Variants in ALK observed in about 807,000 individuals in gnomAD.
ALK encodes the protein ALK tyrosine kinase receptor.
ALK carries 74 observed loss-of-function variants against 163.1 expected under a neutral mutation model. The observed-to-expected ratio is 0.45, with a 90% CI of 0.38 to 0.55. The LOEUF is 0.55. Ranked by LOEUF, ALK falls within the 20% of genes least tolerant of loss-of-function variation. The pLI is 0.00. For missense variants in ALK, 2,063 were observed against 2,105.3 expected (o/e 0.98, Z 0.39); for synonymous variants, 960 against 843.2 (o/e 1.14, Z -2.40).
At chr2:29,287,782 G>C (rs1478246906) in intron 9 of ALK, among the ~76,000 whole-genome samples, 1 of 151,402 alleles carries the variant, frequency 6.6e-6, no homozygotes, top group Non-Finnish European at 1.5e-5. Context: ...CCTTTTCTCT[G>C]GCCTTGGAAT....
rs561352958 is a variant in ALK, at chr2:29,819,795, C to T, written c.667+100198G>A. Reference sequence around the variant, plus strand: ...GCTAGACTCCCCATGGTCAGCAGGTCACTAAAAGGTGTTACTGGAAGTGAC... The same window carrying T: ...GCTAGACTCCCCATGGTCAGCAGGTTACTAAAAGGTGTTACTGGAAGTGAC... On this transcript the variant is annotated intron_variant, in intron 1 of 28. Coordinates refer to ENST00000389048, the MANE Select transcript of ALK (RefSeq NM_004304.5). Among the ~76,000 whole-genome samples, 4 of 152,314 alleles carry T rather than the reference C, an allele frequency of 2.6e-5. No homozygotes were observed. In the South Asian group the frequency reaches 8.3e-4, roughly 32 times the overall value.
In ALK at chr2:29,203,646, C is replaced by G. The variant is rs183976890; in HGVS notation, c.3938+3525G>C. Among the ~76,000 whole-genome samples, 645 of 151,538 alleles carry G rather than the reference C, an allele frequency of 4.3e-3. 5 individuals are homozygous for G. The highest frequency in any genetic ancestry group is 0.014 in the African/African-American group (561 of 41,314). On this transcript the variant is annotated intron_variant, in intron 26 of 28. Coordinates refer to ENST00000389048, the MANE Select transcript of ALK (RefSeq NM_004304.5). ...GGATTACAGGCACCCGCCACCACGC[C>G]CAGCTAATTTTTGTATTTTTAGTAG... is the stretch of plus-strand genomic sequence containing the variant.
In ALK at chr2:29,747,155, A is replaced by AG. The variant is rs527276820; in HGVS notation, c.668-29459_668-29458insC. On this transcript the variant is annotated intron_variant, in intron 1 of 28. Coordinates refer to ENST00000389048, the MANE Select transcript of ALK (RefSeq NM_004304.5). ...ACTGATGGAAAAGCCCTCCTCAATT[A>AG]AAACTCCAGCTTGACCTCTCTCAAA... 5.0e-3 allele frequency among the ~76,000 whole-genome samples: 754 copies of AG among 152,292 alleles called. 3 individuals carry two copies. Among genetic ancestry groups the AG allele is most frequent in the Middle Eastern group, 0.02 (6 of 294 alleles).
At chr2:29,903,146 A>G (rs1257315270) in intron 1 of ALK, among the ~76,000 whole-genome samples, 1 of 152,152 alleles carries the variant, frequency 6.6e-6, no homozygotes, top group East Asian at 1.9e-4. Context: ...TCTTGTAATT[A>G]TTGCCTGTTA....
At chr2:29,223,549 G>A (rs2148171275) in intron 19 of ALK, 21 bp from the exon 20 acceptor site, 1 of 1,611,578 alleles carries the variant, frequency 6.2e-7, no homozygotes, top group Non-Finnish European at 8.5e-7. Flanking sequence ...GTGGTCAGCT[G>A]CAACATGGCC....
intron 3 of ALK, among the ~76,000 whole-genome samples, chr2:29,579,997 C>T (rs920826630): frequency 6.6e-6 from 1 of 152,152 alleles, no homozygotes; most frequent in Non-Finnish European, 1.5e-5. Context: ...TTCTCCTCCT[C>T]AACCCACTCA....
intron 3 of ALK, among the ~76,000 whole-genome samples, chr2:29,653,081 G>A (rs1017963189): frequency 6.6e-5 from 10 of 152,244 alleles, no homozygotes; most frequent in Non-Finnish European, 1.2e-4. Context: ...GGAGTCTGAC[G>A]CTGTCTCCAG....
intron 5 of ALK, among the ~76,000 whole-genome samples, chr2:29,357,493 A>C (rs1419642389): frequency 6.6e-6 from 1 of 152,198 alleles, no homozygotes; most frequent in African/African-American, 2.4e-5. Context: ...GGCCAGTTAT[A>C]TTATTCCTGA....
At chr2:29,676,677 A>T (rs1573547470) in intron 3 of ALK, among the ~76,000 whole-genome samples, 1 of 152,198 alleles carries the variant, frequency 6.6e-6, no homozygotes, top group East Asian at 1.9e-4. Context: ...GAAATAAAAA[A>T]GCCTACTGGA....
chr2:29,826,363 G>A (rs990201654), intron 1 of ALK, among the ~76,000 whole-genome samples: 1 of 151,744 alleles, frequency 6.6e-6, no homozygotes. Flanking sequence ...TCTATCATGG[G>A]CTTTGATATA....
chr2:29,638,474 A>G (rs1314105948), intron 3 of ALK, among the ~76,000 whole-genome samples: 1 of 121,228 alleles, frequency 8.2e-6, no homozygotes, highest in Non-Finnish European at 1.6e-5. Context: ...GTGTCAGGGA[A>G]CTTGTTTGTG....
chr2:29,902,671 C>T (rs1022001214), intron 1 of ALK, among the ~76,000 whole-genome samples: 4 of 152,206 alleles, frequency 2.6e-5, no homozygotes, highest in Admixed American at 2.0e-4. Flanking sequence ...TTAGGCACTA[C>T]AGGAAGACAA....
chr2:29,341,393 C>T (rs927440802), intron 5 of ALK, among the ~76,000 whole-genome samples: 5 of 152,162 alleles, frequency 3.3e-5, no homozygotes, highest in Non-Finnish European at 7.3e-5. Context: ...CTGGGAGCCA[C>T]CATACATGGA....
chr2:29,778,754 G>C (rs1389224583), intron 1 of ALK, among the ~76,000 whole-genome samples: 1 of 152,148 alleles, frequency 6.6e-6, no homozygotes, highest in Admixed American at 6.5e-5. Context: ...TAGGAAATAG[G>C]ATCCACTCTT....
intron 3 of ALK, among the ~76,000 whole-genome samples, chr2:29,610,170 G>A (rs1344906776): frequency 3.3e-5 from 5 of 152,158 alleles, no homozygotes; most frequent in Non-Finnish European, 7.3e-5. Flanking sequence ...GCAAACAGAT[G>A]TTTGTAAATC....
At chr2:29,814,321 C>T (rs948399142) in intron 1 of ALK, among the ~76,000 whole-genome samples, 2 of 151,966 alleles carry the variant, frequency 1.3e-5, no homozygotes, top group African/African-American at 4.8e-5. Flanking sequence ...GTATATATGT[C>T]CTTTCTCCAG....
chr2:29,778,903 C>A (rs1681255083), intron 1 of ALK, among the ~76,000 whole-genome samples: 1 of 152,072 alleles, frequency 6.6e-6, no homozygotes, highest in Non-Finnish European at 1.5e-5. Context: ...CGCCTGTAAT[C>A]CCAGCACTTT....
chr2:29,545,505 C>A (rs2148170026), intron 3 of ALK, among the ~76,000 whole-genome samples: 1 of 152,278 alleles, frequency 6.6e-6, no homozygotes, highest in Non-Finnish European at 1.5e-5. Context: ...CTTCAAAGCT[C>A]TAGAGGCTCT....
intron 1 of ALK, among the ~76,000 whole-genome samples, chr2:29,735,891 A>C (rs1485395700): frequency 6.6e-6 from 1 of 152,090 alleles, no homozygotes; most frequent in Non-Finnish European, 1.5e-5. Flanking sequence ...TTTATGAATT[A>C]CCCAGTCTGG....
Sources: allele counts gnomAD v4.1 joint callset (sites outside exome capture counted in the v4.1 genomes callset), GRCh38; gene constraint gnomAD v4.1.1; transcripts MANE v1.5; gene names NCBI Gene and HGNC (gene_info 2026-07-23, HGNC 2026-07-21).